Variants in WASF2 observed in about 807,000 individuals in gnomAD.
The protein encoded by WASF2 is WASP family member 2.
In WASF2, 14 loss-of-function variants were observed where a neutral mutation model predicts 45.0. That is an observed-to-expected ratio of 0.31 (90% CI 0.21 to 0.49). WASF2 has a LOEUF of 0.49. Among genes scored for constraint, WASF2 ranks in the 20% least tolerant of loss-of-function variants. The pLI is 0.99. For synonymous variants in WASF2, 200 were observed against 236.3 expected (o/e 0.85, Z 1.41); for missense variants, 439 against 636.1 (o/e 0.69, Z 3.33).
chr1:27,481,002 C>T (rs576490882), intron 1 of WASF2, among the ~76,000 whole-genome samples: 1 of 151,716 alleles, frequency 6.6e-6, no homozygotes, highest in Admixed American at 6.6e-5. Context: ...CACGCCACTG[C>T]ACTCTAGCCT....
At chr1:27,478,640 T>C (rs558871151) in intron 1 of WASF2, among the ~76,000 whole-genome samples, 1 of 152,270 alleles carries the variant, frequency 6.6e-6, no homozygotes, top group African/African-American at 2.4e-5. Flanking sequence ...TGGAGTGCAA[T>C]GGCGTGATCT....
At position 27,405,210 on chromosome 1, in the gene WASF2, CTTCCACTGGAGGCGAGCTGGAG is replaced by C. The variant is rs1033455831; in HGVS notation, c.*2957_*2978del. On this transcript the variant is annotated 3_prime_UTR_variant, in exon 9 of 9. Coordinates refer to ENST00000618852, the MANE Select transcript of WASF2 (RefSeq NM_006990.5). ...AGGGTCGTTTCTGAGGGCGCTCGGGCTTCCACTGGAGGCGAGCTGGAGCCTGGGCCAGCTGCTCTGAGCCTCC... is the reference window on the plus strand; with the variant it reads ...AGGGTCGTTTCTGAGGGCGCTCGGGCCCTGGGCCAGCTGCTCTGAGCCTCC... 3.9e-5 allele frequency: 6 copies of C among 152,420 alleles called. No homozygotes were observed. Among genetic ancestry groups the C allele is most frequent in the African/African-American group, 1.4e-4 (6 of 41,592 alleles). 9.4% of individuals were successfully genotyped at this position (152,420 alleles called of 1,614,324 possible). A position where few individuals can be genotyped will look rare whatever the true frequency, so the allele number is the denominator to read the frequency against.
At chr1:27,432,220 G>C (rs182884957) in intron 1 of WASF2, among the ~76,000 whole-genome samples, 1 of 152,054 alleles carries the variant, frequency 6.6e-6, no homozygotes, top group Non-Finnish European at 1.5e-5. Context: ...AAAATGTATC[G>C]GCTTTATGGA....
At chr1:27,475,672 G>C (rs2017756557) in intron 1 of WASF2, among the ~76,000 whole-genome samples, 1 of 152,106 alleles carries the variant, frequency 6.6e-6, no homozygotes. Flanking sequence ...CTGTTGCCCA[G>C]GCTGGAGTGC....
At chr1:27,427,781 G>A (rs534500872) in intron 2 of WASF2, among the ~76,000 whole-genome samples, 13 of 152,246 alleles carry the variant, frequency 8.5e-5, no homozygotes, top group Admixed American at 7.9e-4. Context: ...GCAGTGATGC[G>A]ATAGGAGGGG....
chr1:27,435,962 C>T (rs891354660), intron 1 of WASF2, among the ~76,000 whole-genome samples: 2 of 152,254 alleles, frequency 1.3e-5, no homozygotes, highest in African/African-American at 4.8e-5. Context: ...CTCTTTGAAA[C>T]ATACCCCCAA....
intron 1 of WASF2, among the ~76,000 whole-genome samples, chr1:27,441,782 C>T (rs1186008785): frequency 6.9e-6 from 1 of 144,116 alleles, no homozygotes; most frequent in Admixed American, 6.9e-5. Flanking sequence ...AAAAATTAGC[C>T]GGGCGTGATG....
At chr1:27,471,344 CAAA>C (rs35393807) in intron 1 of WASF2, among the ~76,000 whole-genome samples, 3 of 53,154 alleles carry the variant, frequency 5.6e-5, no homozygotes, top group Admixed American at 2.1e-4. Context: ...GACTCTGTCT[CAAA>C]AAAAAAAAAA....
rs2017785187 is a variant in WASF2, at chr1:27,477,695, C to T, written c.-44+12291G>A. ...CGGGCGGATCACGAGGTCAGGAGAT[C>T]GAGACCATCCCGGCTAAAACGGTGA... On this transcript the variant is annotated intron_variant, in intron 1 of 8. Transcript: ENST00000618852. Among the ~76,000 whole-genome samples, 4 of 105,172 alleles carry T rather than the reference C, an allele frequency of 3.8e-5. 2 individuals carry two copies. Among genetic ancestry groups the T allele is most frequent in the African/African-American group, 1.1e-4 (2 of 18,590 alleles). 69.0% of individuals were successfully genotyped at this position (105,172 alleles called of 152,430 possible).
In WASF2 at chr1:27,425,565, G is replaced by A. The variant is rs139172265; in HGVS notation, c.130+3196C>T. Among the ~76,000 whole-genome samples, 869 of 152,258 alleles carry A rather than the reference G, an allele frequency of 5.7e-3. 15 individuals are homozygous for A. The highest frequency in any genetic ancestry group is 0.015 in the East Asian group (80 of 5,176). On this transcript the variant is annotated intron_variant, in intron 2 of 8. Transcript: ENST00000618852. The stretch of plus-strand genomic sequence containing the variant: ...TAAAAATACAAAAAATTGGCCAGGC[G>A]CAGTGGCTCACGCTTGTAATCCCGG...
intron 1 of WASF2, among the ~76,000 whole-genome samples, chr1:27,467,631 C>CG (rs1198088543): frequency 6.7e-6 from 1 of 149,758 alleles, no homozygotes; most frequent in African/African-American, 2.4e-5. Flanking sequence ...AATGAATTTC[C>CG]GGGGGGCGCA....
chr1:27,449,068 G>A (rs767439093), intron 1 of WASF2, among the ~76,000 whole-genome samples: 116 of 152,032 alleles, frequency 7.6e-4, no homozygotes, highest in African/African-American at 2.3e-3. Context: ...GAGCTCAAGC[G>A]AAACACCTCT....
intron 1 of WASF2, among the ~76,000 whole-genome samples, chr1:27,458,538 T>C (rs2017503502): frequency 6.6e-6 from 1 of 152,134 alleles, no homozygotes; most frequent in South Asian, 2.1e-4. Context: ...TGGCTCACTG[T>C]AATTCCAGTG....
chr1:27,458,344 G>A lies in WASF2; in HGVS notation c.-43-29411C>T, dbSNP rs962576881. On this transcript the variant is annotated intron_variant, in intron 1 of 8. Coordinates refer to ENST00000618852, the MANE Select transcript of WASF2 (RefSeq NM_006990.5). ...AAAAAAAAAAAAAAAAGGCCTTGTT[G>A]ATTTCCTATGTCAAATAAAAAACAT... Among the ~76,000 whole-genome samples, 129 of 132,080 alleles carry A rather than the reference G, an allele frequency of 9.8e-4. 3 individuals are homozygous for A. The highest frequency in any genetic ancestry group is 9.2e-4 in the Admixed American group (12 of 13,038). 86.6% of individuals were successfully genotyped at this position (132,080 alleles called of 152,430 possible). A position where few individuals can be genotyped will look rare whatever the true frequency, so the allele number is the denominator to read the frequency against.
At chr1:27,473,310 C>T (rs925755783) in intron 1 of WASF2, among the ~76,000 whole-genome samples, 6 of 151,602 alleles carry the variant, frequency 4.0e-5, no homozygotes, top group South Asian at 2.1e-4. Flanking sequence ...GAAACCCCGT[C>T]TCTACTAAAA....
At chr1:27,463,060 T>G (rs1259445218) in intron 1 of WASF2, among the ~76,000 whole-genome samples, 2 of 152,114 alleles carry the variant, frequency 1.3e-5, no homozygotes, top group African/African-American at 4.8e-5. Context: ...CCTCAAGTGA[T>G]CCGCCTGCCT....
chr1:27,427,548 G>A (rs2017002981), intron 2 of WASF2, among the ~76,000 whole-genome samples: 1 of 152,144 alleles, frequency 6.6e-6, no homozygotes, highest in Non-Finnish European at 1.5e-5. Context: ...GTGTAAGACA[G>A]GCACTGGCAG....
At chr1:27,468,808 C>T (rs997699776) in intron 1 of WASF2, among the ~76,000 whole-genome samples, 2 of 151,270 alleles carry the variant, frequency 1.3e-5, no homozygotes, top group Non-Finnish European at 2.9e-5. Context: ...GGTGAAACCC[C>T]GTCTCTACTA....
chr1:27,447,252 A>G (rs933857980), intron 1 of WASF2, among the ~76,000 whole-genome samples: 2 of 152,232 alleles, frequency 1.3e-5, no homozygotes, highest in African/African-American at 4.8e-5. Context: ...CGGCATGAAT[A>G]GATAAGCTGT....
Sources: gnomAD v4.1 joint callset for allele counts (sites outside exome capture counted in the v4.1 genomes callset) on GRCh38, gnomAD v4.1.1 for gene constraint, MANE v1.5 for transcripts, NCBI Gene and HGNC (gene_info 2026-07-23, HGNC 2026-07-21) for gene names.